Variants in RBKS observed in about 807,000 individuals in gnomAD.
RBKS encodes the protein ribokinase.
Under a neutral mutation model 33.9 loss-of-function variants are expected in RBKS, and 33 were observed. The observed-to-expected ratio is 0.97, with a 90% confidence interval of 0.74 to 1.30. RBKS has a LOEUF of 1.30. RBKS is among the 50% of genes most tolerant of loss of function. The probability of loss-of-function intolerance (pLI) is 0.00; values close to 1 mark genes in which losing one functional copy is unlikely to be tolerated. For synonymous variants in RBKS, 125 were observed against 143.0 expected (o/e 0.87, Z 0.90); for missense variants, 361 against 392.6 (o/e 0.92, Z 0.68).
chr2:27,886,369 C>G (rs6716565), intron 1 of RBKS, among the ~76,000 whole-genome samples: 8,233 of 152,120 alleles, frequency 0.054, 634 homozygotes, highest in African/African-American at 0.17. Context: ...AATAGGCATG[C>G]GTGTCCAGGC....
chr2:27,804,054 T>C (rs1005918834), intron 7 of RBKS, among the ~76,000 whole-genome samples: 1 of 152,148 alleles, frequency 6.6e-6, no homozygotes, highest in Non-Finnish European at 1.5e-5. Flanking sequence ...GCAAATATTT[T>C]CTGGCTTAAT....
At chr2:27,853,484 C>T (rs1434642794) in intron 2 of RBKS, among the ~76,000 whole-genome samples, 1 of 151,466 alleles carries the variant, frequency 6.6e-6, no homozygotes, top group Non-Finnish European at 1.5e-5. Flanking sequence ...CATGGCAAAA[C>T]CTTGTCTACA....
intron 7 of RBKS, among the ~76,000 whole-genome samples, chr2:27,800,283 A>G (rs1247960138): frequency 6.6e-6 from 1 of 152,026 alleles, no homozygotes; most frequent in African/African-American, 2.4e-5. Flanking sequence ...GTCTTGTGTC[A>G]TTTTTATTTC....
In RBKS at chr2:27,890,014, G is replaced by A. The variant is rs1664686537; in HGVS notation, c.89+243C>T. On this transcript the variant is annotated intron_variant, in intron 1 of 7. Coordinates refer to ENST00000302188, the MANE Select transcript of RBKS (RefSeq NM_022128.3). This position sits in a 1 kb window ranked among gnomAD's most constrained non-coding sequence, Gnocchi z 4.8. ...GGCAGGTCTTTGGGGAGCGCTTTGA[G>A]TAATATTAGAGCTTTCACTAAACCC... 1 of 410,692 alleles carries A rather than the reference G, an allele frequency of 2.4e-6. No homozygotes were observed. Among genetic ancestry groups the A allele is most frequent in the Non-Finnish European group, 4.4e-6 (1 of 228,744 alleles). 25.4% of individuals were successfully genotyped at this position (410,692 alleles called of 1,614,324 possible). A position where few individuals can be genotyped will look rare whatever the true frequency, so the allele number is the denominator to read the frequency against.
chr2:27,810,177 A>AC lies in RBKS; in HGVS notation c.795+17389_795+17390insG. On this transcript the variant is annotated intron_variant, in intron 7 of 7. Transcript: ENST00000302188. The surrounding 1 kb of genome is among the most constrained non-coding windows in gnomAD (Gnocchi z 4.4). ...CTGGTATATTTGTCTACACAACCCA[A>AC]ATTCGTCATATACTGGCTGATTTGT... The AC allele has an allele frequency of 8.7e-7, 1 of 1,150,572 alleles. No homozygotes were observed. The highest frequency in any genetic ancestry group is 1.1e-6 in the Non-Finnish European group (1 of 884,906). 71.3% of individuals were successfully genotyped at this position (1,150,572 alleles called of 1,614,324 possible).
chr2:27,877,458 C>A (rs1179635475), intron 1 of RBKS, among the ~76,000 whole-genome samples: 1 of 151,936 alleles, frequency 6.6e-6, no homozygotes, highest in Non-Finnish European at 1.5e-5. Flanking sequence ...TGAAAGAATA[C>A]CTGTATTTTT....
chr2:27,872,400 G>A (rs1664233705), intron 1 of RBKS, among the ~76,000 whole-genome samples: 1 of 152,080 alleles, frequency 6.6e-6, no homozygotes, highest in South Asian at 2.1e-4. Context: ...ATTCAGGTAT[G>A]CGCTGTTTAT....
chr2:27,826,067 T>A (rs1678305903), intron 7 of RBKS, among the ~76,000 whole-genome samples: 1 of 152,178 alleles, frequency 6.6e-6, no homozygotes, highest in Non-Finnish European at 1.5e-5. Context: ...GTTTCAGAAA[T>A]GACTAAATAT....
chr2:27,869,249 T>C (rs993062831), intron 1 of RBKS, among the ~76,000 whole-genome samples: 2 of 152,206 alleles, frequency 1.3e-5, no homozygotes, highest in African/African-American at 4.8e-5. Context: ...TGAAGAACAC[T>C]GGTGTTCTTC....
intron 7 of RBKS, among the ~76,000 whole-genome samples, chr2:27,792,636 C>CCTCCCTTGCT (rs1677558703): frequency 6.6e-6 from 1 of 152,144 alleles, no homozygotes; most frequent in African/African-American, 2.4e-5. Flanking sequence ...CCTCCCTTGA[C>CCTCCCTTGCT]CTCCCTTGCT....
chr2:27,871,581 AC>A (rs1664213986), intron 1 of RBKS, among the ~76,000 whole-genome samples: 1 of 152,196 alleles, frequency 6.6e-6, no homozygotes, highest in Non-Finnish European at 1.5e-5. Flanking sequence ...TCATGGGCTT[AC>A]CAAAACTGTG....
rs181203462 is a variant in RBKS at position 27,837,222 on chromosome 2, C to T, written c.515-4445G>A. 4.3e-4 allele frequency among the ~76,000 whole-genome samples: 66 copies of T among 151,954 alleles called. No homozygotes were observed. The highest frequency in any genetic ancestry group is 3.4e-3 in the Middle Eastern group (1 of 294). ...CTGGGAGGTGGAGCTTGCAGTGAGC[C>T]GAGATCGTGCCACTGCACTCCAGCC... is the stretch of plus-strand genomic sequence containing the variant. On this transcript the variant is annotated intron_variant, in intron 5 of 7. Transcript: ENST00000302188. This position sits in a 1 kb window ranked among gnomAD's most constrained non-coding sequence, Gnocchi z 4.0.
chr2:27,819,976 A>G (rs989167950), intron 7 of RBKS, among the ~76,000 whole-genome samples: 1 of 152,208 alleles, frequency 6.6e-6, no homozygotes, highest in Non-Finnish European at 1.5e-5. Flanking sequence ...TTTTGGCACT[A>G]GGAGTCCATC....
rs1664715715 is a variant in RBKS at position 27,890,374 on chromosome 2, A to G, written c.-29T>C. The G allele has an allele frequency of 6.2e-7, 1 of 1,602,948 alleles. No homozygotes were observed. The highest frequency in any genetic ancestry group is 8.5e-7 in the Non-Finnish European group (1 of 1,175,106). The stretch of plus-strand genomic sequence containing the variant: ...TCAAAGGTGCTGCTGTCCAACCTGG[A>G]CGGTGACCTCTGCCCTTTGCCCGAC... On this transcript the variant is annotated 5_prime_UTR_variant, in exon 1 of 8. Transcript: ENST00000302188. The surrounding 1 kb of genome is among the most constrained non-coding windows in gnomAD (Gnocchi z 4.8).
At chr2:27,877,095 G>A (rs1573078626) in intron 1 of RBKS, among the ~76,000 whole-genome samples, 1 of 152,128 alleles carries the variant, frequency 6.6e-6, no homozygotes, top group Non-Finnish European at 1.5e-5. Context: ...TTAGCTGGGG[G>A]AAAATCAGTT....
In RBKS at chr2:27,795,784, GAA is replaced by G. The variant is rs992112878; in HGVS notation, c.796-13998_796-13997del. Reference sequence around the variant, plus strand: ...AGGGAAAAAGGAAGGAAATCAAGCTGAAAAGAGTCTCCCTCCCTTTTGACATC... The same window carrying G: ...AGGGAAAAAGGAAGGAAATCAAGCTGAAGAGTCTCCCTCCCTTTTGACATC... On this transcript the variant is annotated intron_variant, in intron 7 of 7. Coordinates refer to ENST00000302188, the MANE Select transcript of RBKS (RefSeq NM_022128.3). This position sits in a 1 kb window ranked among gnomAD's most constrained non-coding sequence, Gnocchi z 4.1. Among the ~76,000 whole-genome samples the G allele has an allele frequency of 2.0e-5, 3 of 152,196 alleles. No individual in the cohort carries two copies. The highest frequency in any genetic ancestry group is 2.1e-4 in the South Asian group (1 of 4,830).
At chr2:27,788,329 C>G (rs995474815) in intron 7 of RBKS, among the ~76,000 whole-genome samples, 2 of 152,124 alleles carry the variant, frequency 1.3e-5, no homozygotes, top group Non-Finnish European at 2.9e-5. Context: ...TAATGACCTA[C>G]GTAGAAAATC....
chr2:27,836,084 T>C lies in RBKS; in HGVS notation c.515-3307A>G, dbSNP rs182730322. The stretch of plus-strand genomic sequence containing the variant: ...CAAAAATTTGCCAGGCGTGGTGGCA[T>C]GCGCTTGTTAGTCCCAGCTACTTGG... On this transcript the variant is annotated intron_variant, in intron 5 of 7. Coordinates refer to ENST00000302188, the MANE Select transcript of RBKS (RefSeq NM_022128.3). Among the ~76,000 whole-genome samples the C allele has an allele frequency of 4.7e-3, 716 of 152,052 alleles. 6 individuals are homozygous for C. The highest frequency in any genetic ancestry group is 8.6e-3 in the Non-Finnish European group (585 of 67,954).
At chr2:27,823,885 T>C (rs1448334605) in intron 7 of RBKS, among the ~76,000 whole-genome samples, 1 of 152,216 alleles carries the variant, frequency 6.6e-6, no homozygotes, top group Admixed American at 6.5e-5. Flanking sequence ...TTTTTGTTGT[T>C]GTTTGAAATA....
Sources: allele counts gnomAD v4.1 joint callset (sites outside exome capture counted in the v4.1 genomes callset), GRCh38; gene constraint gnomAD v4.1.1; non-coding constraint Gnocchi (gnomAD v3.1); transcripts MANE v1.5; gene names NCBI Gene and HGNC (gene_info 2026-07-23, HGNC 2026-07-21).